MTOR: variants seen among roughly 807,000 people sequenced by gnomAD.
MTOR encodes mechanistic target of rapamycin kinase, also known as serine/threonine-protein kinase mTOR.
MTOR carries 70 observed loss-of-function variants against 319.8 expected under a neutral mutation model. The ratio of observed to expected loss-of-function variants is 0.22; its 90% CI spans 0.18 to 0.27. The LOEUF is 0.27. Among genes scored for constraint, MTOR ranks in the 10% least tolerant of loss-of-function variants. The pLI, the probability that MTOR is intolerant of heterozygous loss-of-function variation, is 1.00. For missense variants in MTOR, 1,890 were observed against 3,274.4 expected (o/e 0.58, Z 10.32); for synonymous variants, 1,183 against 1,211.4 (o/e 0.98, Z 0.49).
chr1:11,199,050 G>T lies in MTOR; in HGVS notation c.4253+208C>A, dbSNP rs1645878919. On this transcript the variant is annotated intron_variant, in intron 28 of 57. Coordinates refer to ENST00000361445, the MANE Select transcript of MTOR (RefSeq NM_004958.4). The surrounding 1 kb of genome is among the most constrained non-coding windows in gnomAD (Gnocchi z 4.5). ...GTTGGAAAACAACAGGAGCCCAGGTGATAAGGGTCAACAGAAATGACAATC... is the reference window on the plus strand; with the variant it reads ...GTTGGAAAACAACAGGAGCCCAGGTTATAAGGGTCAACAGAAATGACAATC... Among the ~76,000 whole-genome samples the T allele has an allele frequency of 1.3e-5, 2 of 152,202 alleles. No homozygotes were observed. The highest frequency in any genetic ancestry group is 1.5e-5 in the Non-Finnish European group (1 of 68,036).
chr1:11,228,190 T>C (rs12739368), intron 19 of MTOR, among the ~76,000 whole-genome samples: 97,933 of 151,232 alleles, frequency 0.65, 33,878 homozygotes, highest in East Asian at 0.91. Context: ...TATTCATCTT[T>C]TAGCCATCTT....
At chr1:11,154,888 G>A (rs977605068) in intron 30 of MTOR, among the ~76,000 whole-genome samples, 18 of 151,640 alleles carry the variant, frequency 1.2e-4, no homozygotes, top group African/African-American at 4.3e-4. Context: ...GCTCACACCT[G>A]TAATCCTAGC....
In MTOR at chr1:11,234,526, T is replaced by C. The variant is rs544711360; in HGVS notation, c.2209-261A>G. 4.6e-5 allele frequency among the ~76,000 whole-genome samples: 7 copies of C among 152,228 alleles called. No individual in the cohort carries two copies. In the South Asian group the frequency reaches 1.2e-3, roughly 27 times the overall value. On this transcript the variant is annotated intron_variant, in intron 13 of 57. Transcript: ENST00000361445. ...ACAGCACTCCAATGTCCCATGGCCC[T>C]CTCTAAAGCAGAGCTTTTAACCATG...
At chr1:11,187,433 C>T (rs1645357107) in intron 28 of MTOR, among the ~76,000 whole-genome samples, 1 of 152,160 alleles carries the variant, frequency 6.6e-6, no homozygotes, top group South Asian at 2.1e-4. Context: ...CTCACATGTG[C>T]AGTTCACAAC....
rs560060836 is a variant in MTOR at position 11,154,493 on chromosome 1, T to C, written c.4469+2659A>G. On this transcript the variant is annotated intron_variant, in intron 30 of 57. Coordinates refer to ENST00000361445, the MANE Select transcript of MTOR (RefSeq NM_004958.4). ...GATGGTTAAATCAGACAAGCCACTTTCAAATAATTGTGGAATATTATCTCT... is the reference window on the plus strand; with the variant it reads ...GATGGTTAAATCAGACAAGCCACTTCCAAATAATTGTGGAATATTATCTCT... Among the ~76,000 whole-genome samples, 4 of 151,386 alleles carry C rather than the reference T, an allele frequency of 2.6e-5. No individual in the cohort carries two copies. The South Asian group carries it at 8.4e-4, about 32-fold the overall frequency.
rs192152574 is a variant in MTOR, at chr1:11,116,393, C to T, written c.7016+611G>A. Reference sequence around the variant, plus strand: ...ACAGTGGTGCAATCACGGCTCACTACAGCTTTGACCTTCTGGACTTAAGTG... The same window carrying T: ...ACAGTGGTGCAATCACGGCTCACTATAGCTTTGACCTTCTGGACTTAAGTG... On this transcript the variant is annotated intron_variant, in intron 50 of 57. Coordinates refer to ENST00000361445, the MANE Select transcript of MTOR (RefSeq NM_004958.4). Among the ~76,000 whole-genome samples, 115 of 152,322 alleles carry T rather than the reference C, an allele frequency of 7.5e-4. 2 individuals carry two copies. In the East Asian group the frequency reaches 0.014, roughly 18 times the overall value.
At position 11,142,073 on chromosome 1, in the gene MTOR, C is replaced by T. The variant is rs574177628; in HGVS notation, c.4873-2415G>A. The stretch of plus-strand genomic sequence containing the variant: ...GAATTAATTATCAAAGGGGCTTAAG[C>T]TAATTTTACATCTAACAACTATAGA... On this transcript the variant is annotated intron_variant, in intron 34 of 57. Coordinates refer to ENST00000361445, the MANE Select transcript of MTOR (RefSeq NM_004958.4). Among the ~76,000 whole-genome samples, 6 of 152,180 alleles carry T rather than the reference C, an allele frequency of 3.9e-5. No homozygotes were observed. In the South Asian group the frequency reaches 1.2e-3, roughly 32 times the overall value.
chr1:11,157,318 G>A, intron 29 of MTOR, 27 bp from the exon 30 acceptor site: 2 of 1,608,724 alleles, frequency 1.2e-6, no homozygotes, highest in South Asian at 1.1e-5. Flanking sequence ...AAAGACTGCT[G>A]TGAGGTACAC....
At chr1:11,153,924 C>T (rs1244742891) in intron 30 of MTOR, among the ~76,000 whole-genome samples, 1 of 151,386 alleles carries the variant, frequency 6.6e-6, no homozygotes, top group Non-Finnish European at 1.5e-5. Context: ...CAAAAATCAG[C>T]CGGGAGTGGT....
chr1:11,228,544 A>C lies in MTOR; in HGVS notation c.3030+124T>G, dbSNP rs938236693. On this transcript the variant is annotated intron_variant, in intron 19 of 57. Coordinates refer to ENST00000361445, the MANE Select transcript of MTOR (RefSeq NM_004958.4). Reference sequence around the variant, plus strand: ...TGTACACTTTATATGTTGGGAGTTAAGGGGGAGGAAGGCATTGGGCTCAGG... The same window carrying C: ...TGTACACTTTATATGTTGGGAGTTACGGGGGAGGAAGGCATTGGGCTCAGG... The C allele has an allele frequency of 3.8e-6, 5 of 1,304,148 alleles. No homozygotes were observed. The African/African-American group carries it at 7.3e-5, about 19-fold the overall frequency. The allele number at this position is 1,304,148 out of a possible 1,614,324, so 80.8% of individuals were successfully genotyped here.
At chr1:11,149,975 G>T in intron 31 of MTOR, 151 bp downstream of exon 31, 2 of 568,794 alleles carry the variant, frequency 3.5e-6, no homozygotes, top group South Asian at 2.6e-5. Context: ...AGAAAGGACA[G>T]ATGGAAGGTG....
At chr1:11,250,044 G>T (rs1444925291) in intron 6 of MTOR, among the ~76,000 whole-genome samples, 1 of 143,500 alleles carries the variant, frequency 7.0e-6, no homozygotes, top group Non-Finnish European at 1.5e-5. Flanking sequence ...GGCCGGGCGG[G>T]GGGCTGACCC....
At chr1:11,250,906 A>G (rs529473400) in intron 6 of MTOR, among the ~76,000 whole-genome samples, 2 of 152,226 alleles carry the variant, frequency 1.3e-5, no homozygotes, top group South Asian at 2.1e-4. Context: ...ACCATCAGCA[A>G]ATCCCAAATT....
At chr1:11,142,305 T>C (rs1167705079) in intron 34 of MTOR, among the ~76,000 whole-genome samples, 1 of 152,022 alleles carries the variant, frequency 6.6e-6, no homozygotes, top group Non-Finnish European at 1.5e-5. Flanking sequence ...CCTTTTTTTT[T>C]GGAGATGGAG....
At chr1:11,259,080 T>C (rs1557500511) in intron 2 of MTOR, among the ~76,000 whole-genome samples, 168 bp downstream of exon 2, 1 of 152,210 alleles carries the variant, frequency 6.6e-6, no homozygotes, top group Non-Finnish European at 1.5e-5. Context: ...AATGTGCAAC[T>C]GCTGCAAAAG....
At chr1:11,155,331 T>G (rs1351803759) in intron 30 of MTOR, among the ~76,000 whole-genome samples, 3 of 152,068 alleles carry the variant, frequency 2.0e-5, no homozygotes, top group Non-Finnish European at 4.4e-5. Flanking sequence ...GCCGTCAATG[T>G]ACATCCCTGT....
intron 25 of MTOR, among the ~76,000 whole-genome samples, chr1:11,207,584 A>AT (rs1429622478): frequency 9.9e-5 from 12 of 121,754 alleles, no homozygotes; most frequent in Admixed American, 3.0e-4. Flanking sequence ...AATTTTTAAA[A>AT]TTTTTTCAAT....
chr1:11,260,370 C>G (rs1032737783), intron 1 of MTOR, among the ~76,000 whole-genome samples: 1 of 152,062 alleles, frequency 6.6e-6, no homozygotes, highest in Non-Finnish European at 1.5e-5. Flanking sequence ...TGGTGAAACC[C>G]CGTCTCTACT....
At chr1:11,229,351 A>G (rs1646944105) in intron 18 of MTOR, among the ~76,000 whole-genome samples, 2 of 152,194 alleles carry the variant, frequency 1.3e-5, no homozygotes. Flanking sequence ...GGCAAATACT[A>G]CCTACCTGAC....
Sources: allele counts gnomAD v4.1 joint callset (sites outside exome capture counted in the v4.1 genomes callset), GRCh38; gene constraint gnomAD v4.1.1; non-coding constraint Gnocchi (gnomAD v3.1); transcripts MANE v1.5; gene names NCBI Gene and HGNC (gene_info 2026-07-23, HGNC 2026-07-21).